Variants in PARD3B observed in about 807,000 individuals in gnomAD.
PARD3B encodes partitioning defective 3 homolog B.
PARD3B carries 103 observed loss-of-function variants against 130.2 expected under a neutral mutation model. The observed-to-expected ratio is 0.79, with a 90% CI of 0.67 to 0.93. PARD3B has a LOEUF of 0.93. PARD3B is among the 40% of genes least tolerant of loss of function. The pLI is 0.00. For missense variants in PARD3B, 1,609 were observed against 1,499.2 expected, an observed-to-expected ratio of 1.07 and a Z score of -1.21; for synonymous variants, 583 against 553.2, an observed-to-expected ratio of 1.05 and a Z score of -0.76.
intron 2 of PARD3B, among the ~76,000 whole-genome samples, chr2:204,782,186 C>T (rs73982511): frequency 0.01 from 1,545 of 152,188 alleles, 29 homozygotes; most frequent in African/African-American, 0.036. Context: ...TCTTCTGGTT[C>T]TCTGGCATGC....
At chr2:204,987,938 G>A (rs1306360839) in intron 3 of PARD3B, among the ~76,000 whole-genome samples, 1 of 152,074 alleles carries the variant, frequency 6.6e-6, no homozygotes, top group Non-Finnish European at 1.5e-5. Flanking sequence ...AAGGCTGGAA[G>A]GGAAAGGGAT....
rs755408511 is a variant in PARD3B at position 204,735,605 on chromosome 2, G to A, written c.222+49323G>A. Reference sequence around the variant, plus strand: ...AGAGTTGAAAAAGTCACAGCCAAACGTAATATATGCAGCTTGATTGGATTC... The same window carrying A: ...AGAGTTGAAAAAGTCACAGCCAAACATAATATATGCAGCTTGATTGGATTC... On this transcript the variant is annotated intron_variant, in intron 2 of 22. Transcript: ENST00000406610. Among the ~76,000 whole-genome samples the A allele has an allele frequency of 8.5e-5, 13 of 152,238 alleles. 1 individual carries two copies. The highest frequency in any genetic ancestry group is 2.4e-4 in the African/African-American group (10 of 41,564).
At chr2:205,067,095 CTTTTTTTTTTTTT>C (rs10672449) in intron 4 of PARD3B, among the ~76,000 whole-genome samples, 1,430 of 59,790 alleles carry the variant, frequency 0.024, 53 homozygotes, top group African/African-American at 0.086. Flanking sequence ...TTTTACTAGG[CTTTTTTTTTTTTT>C]TTTTTTTTTT....
intron 19 of PARD3B, among the ~76,000 whole-genome samples, chr2:205,410,524 T>G (rs530994739): frequency 1.3e-5 from 2 of 152,278 alleles, no homozygotes; most frequent in African/African-American, 4.8e-5. Flanking sequence ...GGCCCCAGTT[T>G]CCTACATTTT....
At chr2:204,991,032 T>G (rs551086228) in intron 3 of PARD3B, among the ~76,000 whole-genome samples, 17 of 152,256 alleles carry the variant, frequency 1.1e-4, no homozygotes, top group Admixed American at 1.0e-3. Context: ...AGTATTTCTG[T>G]GTCTGCTTCT....
chr2:204,896,422 G>A (rs1559237309), intron 2 of PARD3B, among the ~76,000 whole-genome samples: 1 of 152,122 alleles, frequency 6.6e-6, no homozygotes, highest in Admixed American at 6.6e-5. Flanking sequence ...ACCTGGGCTT[G>A]ACTGGCTGAG....
chr2:204,551,319 C>T (rs933589483), intron 1 of PARD3B, among the ~76,000 whole-genome samples: 5 of 152,216 alleles, frequency 3.3e-5, no homozygotes, highest in African/African-American at 1.2e-4. Flanking sequence ...TACTTTCCCA[C>T]ATAGCAACCA....
chr2:205,478,928 CT>C (rs1182117165), intron 20 of PARD3B, among the ~76,000 whole-genome samples: 1 of 152,154 alleles, frequency 6.6e-6, no homozygotes, highest in Non-Finnish European at 1.5e-5. Flanking sequence ...TACTGCTTGG[CT>C]AGACAATTCT....
At chr2:205,359,205 A>G (rs1407015850) in intron 18 of PARD3B, among the ~76,000 whole-genome samples, 2 of 152,162 alleles carry the variant, frequency 1.3e-5, no homozygotes, top group Non-Finnish European at 2.9e-5. Context: ...TCCTCTCATT[A>G]GTCTCTTCAA....
At chr2:205,120,650 T>G (rs2030585247) in intron 7 of PARD3B, among the ~76,000 whole-genome samples, 1 of 152,174 alleles carries the variant, frequency 6.6e-6, no homozygotes, top group East Asian at 1.9e-4. Context: ...GCAGCTTCCG[T>G]TTTCTGCTTT....
chr2:204,997,004 C>T (rs916760470), intron 3 of PARD3B, among the ~76,000 whole-genome samples: 96 of 152,198 alleles, frequency 6.3e-4, no homozygotes, highest in African/African-American at 2.2e-3. Flanking sequence ...GAGATGAACC[C>T]GGTACCTCAG....
intron 3 of PARD3B, among the ~76,000 whole-genome samples, chr2:205,023,875 A>G (rs1331761569): frequency 6.6e-6 from 1 of 152,012 alleles, no homozygotes; most frequent in African/African-American, 2.4e-5. Context: ...GGTAGCATCT[A>G]CTTGATTTGC....
chr2:205,320,933 G>A (rs1042926384), intron 18 of PARD3B, among the ~76,000 whole-genome samples: 3 of 152,184 alleles, frequency 2.0e-5, no homozygotes, highest in African/African-American at 7.2e-5. Flanking sequence ...GCACTAAAGA[G>A]AAGAATACTC....
In PARD3B at chr2:204,545,962, C is replaced by T; in HGVS notation, c.-38C>T. The T allele has an allele frequency of 6.5e-7, 1 of 1,530,198 alleles. No individual in the cohort carries two copies. The allele number at this position is 1,530,198 out of a possible 1,614,324, so 94.8% of individuals were successfully genotyped here. A position where few individuals can be genotyped will look rare whatever the true frequency, so the allele number is the denominator to read the frequency against. On this transcript the variant is annotated 5_prime_UTR_variant, in exon 1 of 23. Coordinates refer to ENST00000406610, the MANE Select transcript of PARD3B (RefSeq NM_001302769.2). ...GGGCTGCGCCCGCGGGGTCAGACAC[C>T]TGTTCGGCCCGGCCCGGCGTGGTCG...
chr2:204,803,947 G>A (rs890432213), intron 2 of PARD3B, among the ~76,000 whole-genome samples: 3 of 152,138 alleles, frequency 2.0e-5, no homozygotes, highest in Admixed American at 2.0e-4. Flanking sequence ...TGTGGCCAGC[G>A]AGATAGCTAA....
chr2:204,910,699 G>T (rs1460501630), intron 2 of PARD3B, among the ~76,000 whole-genome samples: 2 of 152,146 alleles, frequency 1.3e-5, no homozygotes, highest in East Asian at 1.9e-4. Context: ...GAGTGCAGCG[G>T]CGTGATCTCG....
chr2:205,203,057 T>C (rs968452018), intron 15 of PARD3B, among the ~76,000 whole-genome samples: 1 of 152,170 alleles, frequency 6.6e-6, no homozygotes, highest in African/African-American at 2.4e-5. Flanking sequence ...TAATGGAATA[T>C]GTAGTTAATT....
intron 18 of PARD3B, among the ~76,000 whole-genome samples, chr2:205,358,984 G>A (rs1331070639): frequency 6.6e-6 from 1 of 152,136 alleles, no homozygotes; most frequent in Non-Finnish European, 1.5e-5. Context: ...GGCGCAGCTT[G>A]CTTTAAATTC....
chr2:205,046,754 T>C (rs892460297), intron 3 of PARD3B, among the ~76,000 whole-genome samples: 2 of 152,320 alleles, frequency 1.3e-5, no homozygotes, highest in Middle Eastern at 3.4e-3. Context: ...CTAATTTTTA[T>C]ATGAGAGTGA....
Sources: allele counts gnomAD v4.1 joint callset (sites outside exome capture counted in the v4.1 genomes callset), GRCh38; gene constraint gnomAD v4.1.1; transcripts MANE v1.5; gene names NCBI Gene and HGNC (gene_info 2026-07-23, HGNC 2026-07-21).